INPP4A: variants seen among roughly 807,000 people sequenced by gnomAD.
INPP4A encodes inositol polyphosphate-4-phosphatase type I A.
INPP4A carries 33 observed loss-of-function variants against 119.8 expected under a neutral mutation model. The observed-to-expected ratio is 0.28, with a 90% CI of 0.21 to 0.37. The LOEUF (loss-of-function observed/expected upper bound fraction) is 0.37. Among genes scored for constraint, INPP4A ranks in the 10% least tolerant of loss-of-function variants. INPP4A has a pLI of 1.00. For missense variants in INPP4A, 956 were observed against 1,289.9 expected (o/e 0.74, Z 3.97); for synonymous variants, 496 against 500.7 (o/e 0.99, Z 0.12).
At chr2:98,586,043 T>G (rs1286086131) in intron 24 of INPP4A, among the ~76,000 whole-genome samples, 1 of 152,206 alleles carries the variant, frequency 6.6e-6, no homozygotes, top group Non-Finnish European at 1.5e-5. Flanking sequence ...GGAAGTACGT[T>G]TTTGATTACT....
chr2:98,529,028 G>A (rs999231376), intron 4 of INPP4A, among the ~76,000 whole-genome samples: 8 of 149,016 alleles, frequency 5.4e-5, no homozygotes, highest in Non-Finnish European at 7.4e-5. Flanking sequence ...GCTGTGAGCC[G>A]AGATCGCACC....
chr2:98,555,724 C>G lies in INPP4A; in HGVS notation c.1738C>G (p.Pro580Ala). 1 of 1,609,256 alleles carries G rather than the reference C, an allele frequency of 6.2e-7. No individual in the cohort carries two copies. Among genetic ancestry groups the G allele is most frequent in the South Asian group, 1.1e-5 (1 of 90,376 alleles). Residue 580 changes from proline to alanine, a missense_variant, in exon 16 of 25, where the codon CCA becomes GCA. By Grantham distance (27) the Pro-to-Ala change is conservative (BLOSUM62 -1). Coordinates refer to ENST00000409851, the MANE Select transcript of INPP4A (RefSeq NM_001134225.2). ...NPDSHAYWIR[P>A]EDPFCDVPSS... ...GGACAGCCACGCCTACTGGATCAGACCAGAAGACCCCTTCTGTGATGTCCC... is the reference window on the plus strand; with the variant it reads ...GGACAGCCACGCCTACTGGATCAGAGCAGAAGACCCCTTCTGTGATGTCCC...
At chr2:98,469,128 T>A (rs570613138) in intron 1 of INPP4A, among the ~76,000 whole-genome samples, 84 of 152,262 alleles carry the variant, frequency 5.5e-4, no homozygotes, top group African/African-American at 1.9e-3. Context: ...GGGGCCAGCA[T>A]GACATTTGCC....
At chr2:98,565,425 G>A (rs1696250029) in intron 19 of INPP4A, among the ~76,000 whole-genome samples, 1 of 152,208 alleles carries the variant, frequency 6.6e-6, no homozygotes, top group African/African-American at 2.4e-5. Context: ...GTTTCCACCA[G>A]ATGCATGTTT....
At position 98,546,310 on chromosome 2, in the gene INPP4A, C is replaced by A. The variant is rs1313318335; in HGVS notation, c.1054+237C>A. 6.6e-6 allele frequency among the ~76,000 whole-genome samples: 1 copy of A among 152,226 alleles called. No homozygotes were observed. Among genetic ancestry groups the A allele is most frequent in the African/African-American group, 2.4e-5 (1 of 41,442 alleles). On this transcript the variant is annotated intron_variant, in intron 12 of 24. Transcript: ENST00000409851. This position sits in a 1 kb window ranked among gnomAD's most constrained non-coding sequence, Gnocchi z 4.2. ...CTGCAGTAGAAAGTTGCCTGTCGGC[C>A]CTTCTTCCCAAGGAGGGATGCAAAC...
At chr2:98,581,496 G>T in intron 24 of INPP4A, 9 of 1,311,546 alleles carry the variant, frequency 6.9e-6, no homozygotes, top group Admixed American at 3.4e-5. Context: ...AAAATCCATC[G>T]CATGTGTCTT....
At chr2:98,454,729 T>TC (rs962170151) in intron 1 of INPP4A, among the ~76,000 whole-genome samples, 1 of 118,808 alleles carries the variant, frequency 8.4e-6, no homozygotes, top group African/African-American at 3.2e-5. Flanking sequence ...GGCAGGGACA[T>TC]CCAGCGAAGT....
chr2:98,480,219 T>A (rs1678121360), intron 1 of INPP4A, among the ~76,000 whole-genome samples: 1 of 152,202 alleles, frequency 6.6e-6, no homozygotes, highest in Non-Finnish European at 1.5e-5. Flanking sequence ...TGCCAGGGGC[T>A]CCTGGTTCTG....
chr2:98,575,842 T>C lies in INPP4A; in HGVS notation c.2632-1147T>C, dbSNP rs74834498. On this transcript the variant is annotated intron_variant, in intron 23 of 24. Coordinates refer to ENST00000409851, the MANE Select transcript of INPP4A (RefSeq NM_001134225.2). ...GTTTCATTAAATACCAGCCTTGGTG[T>C]CATAGTGCAGTATCTGATACGGTGC... Among the ~76,000 whole-genome samples, 294 of 152,358 alleles carry C rather than the reference T, an allele frequency of 1.9e-3. 1 individual carries two copies. The highest frequency in any genetic ancestry group is 3.4e-3 in the Non-Finnish European group (228 of 68,034).
chr2:98,571,592 G>A (rs984422235), intron 22 of INPP4A, among the ~76,000 whole-genome samples: 1 of 152,232 alleles, frequency 6.6e-6, no homozygotes, highest in Non-Finnish European at 1.5e-5. Context: ...GCTGGACCAC[G>A]CAGGCAGGAA....
At chr2:98,478,907 A>G (rs1242181791) in intron 1 of INPP4A, among the ~76,000 whole-genome samples, 1 of 152,194 alleles carries the variant, frequency 6.6e-6, no homozygotes, top group African/African-American at 2.4e-5. Context: ...TTAACTGGAA[A>G]TAATTGTGTA....
At chr2:98,565,969 G>A in intron 20 of INPP4A, 60 bp from the exon 21 acceptor site, 1 of 1,560,710 alleles carries the variant, frequency 6.4e-7, no homozygotes, top group South Asian at 1.2e-5. Flanking sequence ...CCTGGGCACT[G>A]CAGCCTGCTC....
chr2:98,573,774 C>A (rs1251647828), intron 23 of INPP4A, among the ~76,000 whole-genome samples: 1 of 152,158 alleles, frequency 6.6e-6, no homozygotes, highest in Admixed American at 6.5e-5. Flanking sequence ...GGTGCATGGC[C>A]GCCACTTCGG....
rs1235295081 is a variant in INPP4A, at chr2:98,559,493, C to T, written c.1853C>T (p.Pro618Leu). ...AGTCCCCCTCCTGAAGAGTCCAGCC[C>T]AGGTACGTGGTTTCCGTTCAAGGCT... ...HCSPPPEESSPGEWSEALYPL... is the reference protein window; with the variant it reads ...HCSPPPEESSLGEWSEALYPL... Residue 618 changes from proline to leucine, a missense_variant and splice_region_variant, in exon 17 of 25, where the codon CCA becomes CTA. Pro to Leu is a moderately conservative substitution (Grantham distance 98, BLOSUM62 -3). Around this residue, in one of 2 missense-constraint regions of INPP4A, gnomAD observed 304 missense variants for 492.1 expected, o/e 0.62. Transcript: ENST00000409851. 1.2e-6 allele frequency: 2 copies of T among 1,613,980 alleles called. No homozygotes were observed. Among genetic ancestry groups the T allele is most frequent in the East Asian group, 4.5e-5 (2 of 44,886 alleles).
At chr2:98,550,861 G>A (rs1299534806) in intron 13 of INPP4A, among the ~76,000 whole-genome samples, 2 of 152,124 alleles carry the variant, frequency 1.3e-5, no homozygotes, top group South Asian at 4.1e-4. Context: ...TTTGTTGAAG[G>A]GTACACAGCC....
chr2:98,549,973 C>T (rs1039555845), intron 13 of INPP4A, among the ~76,000 whole-genome samples: 2 of 152,042 alleles, frequency 1.3e-5, no homozygotes, highest in Non-Finnish European at 1.5e-5. Context: ...TTTCCCATAA[C>T]GGGACAAGTA....
At chr2:98,496,375 C>A (rs1459611335) in intron 1 of INPP4A, among the ~76,000 whole-genome samples, 1 of 152,076 alleles carries the variant, frequency 6.6e-6, no homozygotes, top group African/African-American at 2.4e-5. Context: ...AAAATTAACT[C>A]AAAATCAATT....
At position 98,589,940 on chromosome 2, in the gene INPP4A, A is replaced by G; in HGVS notation, c.*2332A>G. On this transcript the variant is annotated 3_prime_UTR_variant, in exon 25 of 25. Coordinates refer to ENST00000409851, the MANE Select transcript of INPP4A (RefSeq NM_001134225.2). ...TGCCTTTAGTTTCCTTTAAAGATGT[A>G]AAAATATTGTATAATACAGTTTTGT... 3 of 196,016 alleles carry G rather than the reference A, an allele frequency of 1.5e-5. No individual in the cohort carries two copies. In the East Asian group the frequency reaches 2.4e-4, roughly 16 times the overall value. The allele number at this position is 196,016 out of a possible 1,614,324, so 12.1% of individuals were successfully genotyped here.
At chr2:98,493,297 T>A (rs1442332476) in intron 1 of INPP4A, among the ~76,000 whole-genome samples, 1 of 152,132 alleles carries the variant, frequency 6.6e-6, no homozygotes, top group African/African-American at 2.4e-5. Context: ...GAGATGTGGC[T>A]TGTCTGCCTA....
Sources: gnomAD v4.1 joint callset for allele counts (sites outside exome capture counted in the v4.1 genomes callset) on GRCh38, gnomAD v4.1.1 for gene constraint, gnomAD v4.1.1 regional missense constraint, Gnocchi (gnomAD v3.1) non-coding constraint, MANE v1.5 for transcripts, NCBI Gene and HGNC (gene_info 2026-07-23, HGNC 2026-07-21) for gene names.